Variants in HSF2BP observed in about 807,000 individuals in gnomAD.
The protein encoded by HSF2BP is heat shock factor 2-binding protein.
A neutral mutation model predicts 35.0 loss-of-function variants in HSF2BP; 35 were observed. The ratio of observed to expected loss-of-function variants is 1.00; its 90% CI spans 0.76 to 1.32. The LOEUF is 1.32. Ranked by LOEUF, HSF2BP falls within the 40% of genes most tolerant of loss-of-function variation. The pLI, the probability that HSF2BP is intolerant of heterozygous loss-of-function variation, is 0.00. For missense variants in HSF2BP, 326 were observed against 321.7 expected (o/e 1.01, Z -0.10); for synonymous variants, 114 against 117.4 (o/e 0.97, Z 0.18).
intron 4 of HSF2BP, among the ~76,000 whole-genome samples, chr21:43,640,774 G>C (rs1215577117): frequency 6.6e-6 from 1 of 151,064 alleles, no homozygotes; most frequent in Admixed American, 6.6e-5. Context: ...TTTGTTTCCA[G>C]TGGGATTGGA....
intron 6 of HSF2BP, among the ~76,000 whole-genome samples, chr21:43,617,113 C>T (rs2082281329): frequency 6.6e-6 from 1 of 152,044 alleles, no homozygotes; most frequent in African/African-American, 2.4e-5. Flanking sequence ...CAAACTGTCC[C>T]TGCCAAGCCT....
chr21:43,649,037 C>T (rs902912296), intron 3 of HSF2BP, among the ~76,000 whole-genome samples: 3 of 152,092 alleles, frequency 2.0e-5, no homozygotes, highest in African/African-American at 7.2e-5. Context: ...GCCTCATTTG[C>T]TCATCATTCA....
chr21:43,636,488 G>C (rs2082560690), intron 4 of HSF2BP, among the ~76,000 whole-genome samples: 1 of 152,144 alleles, frequency 6.6e-6, no homozygotes, highest in Non-Finnish European at 1.5e-5. Flanking sequence ...CTAAGAGAAA[G>C]TACTTCTAAT....
At chr21:43,641,118 G>A (rs1487186015) in intron 4 of HSF2BP, among the ~76,000 whole-genome samples, 5 of 151,916 alleles carry the variant, frequency 3.3e-5, no homozygotes, top group Admixed American at 1.3e-4. Context: ...TCAGCCTCCC[G>A]AGTAGCTGGG....
chr21:43,628,979 A>G (rs1366882792), intron 6 of HSF2BP, among the ~76,000 whole-genome samples: 1 of 152,204 alleles, frequency 6.6e-6, no homozygotes, highest in Non-Finnish European at 1.5e-5. Context: ...CCTACTGCTC[A>G]GAAAAAAAGA....
At chr21:43,594,608 G>A (rs1398928736) in intron 7 of HSF2BP, among the ~76,000 whole-genome samples, 2 of 152,082 alleles carry the variant, frequency 1.3e-5, no homozygotes, top group African/African-American at 4.8e-5. Flanking sequence ...AAAGATCTTA[G>A]TGACTTTGAA....
chr21:43,604,663 ACACACACCAC>A (rs1336761019), intron 7 of HSF2BP, among the ~76,000 whole-genome samples: 20 of 136,302 alleles, frequency 1.5e-4, no homozygotes, highest in African/African-American at 4.2e-4. Context: ...CACACCACAC[ACACACACCAC>A]CACACACCAC....
At chr21:43,596,303 G>T (rs1258803401) in intron 7 of HSF2BP, among the ~76,000 whole-genome samples, 1 of 151,562 alleles carries the variant, frequency 6.6e-6, no homozygotes, top group Non-Finnish European at 1.5e-5. Context: ...ATCTCTATAA[G>T]AATAAGTCAA....
chr21:43,589,859 ACT>A (rs1478013466), intron 8 of HSF2BP, among the ~76,000 whole-genome samples: 2 of 152,112 alleles, frequency 1.3e-5, no homozygotes, highest in African/African-American at 4.8e-5. Flanking sequence ...AACAACAAAA[ACT>A]CTCACCACAA....
rs1330248469 is a variant in HSF2BP at position 43,658,113 on chromosome 21, G to T, written c.-17C>A. On this transcript the variant is annotated 5_prime_UTR_variant, in exon 2 of 9. Transcript: ENST00000291560. Reference sequence around the variant, plus strand: ...TTCGCCCATGGCCGCTGCCGCCTCCGCTCCGTTCGCCTGAGCGTCGGCGCG... The same window carrying T: ...TTCGCCCATGGCCGCTGCCGCCTCCTCTCCGTTCGCCTGAGCGTCGGCGCG... The T allele has an allele frequency of 6.5e-7, 1 of 1,528,146 alleles. No individual in the cohort carries two copies. The highest frequency in any genetic ancestry group is 1.7e-4 in the Middle Eastern group (1 of 5,876). 94.7% of individuals were successfully genotyped at this position (1,528,146 alleles called of 1,614,324 possible).
intron 3 of HSF2BP, among the ~76,000 whole-genome samples, chr21:43,655,363 G>A (rs555255446): frequency 1.3e-5 from 2 of 152,318 alleles, no homozygotes; most frequent in South Asian, 2.1e-4. Flanking sequence ...GTCCCAGTGG[G>A]AAAGAGAAAT....
At position 43,613,756 on chromosome 21, in the gene HSF2BP, T is replaced by C. The variant is rs1454252160; in HGVS notation, c.692+74A>G. On this transcript the variant is annotated intron_variant, in intron 7 of 8. Transcript: ENST00000291560. Reference sequence around the variant, plus strand: ...TACCACCAAAATTAACTGTGTTTACTTGAAGAGAGGCCCAATCAGCACAGT... The same window carrying C: ...TACCACCAAAATTAACTGTGTTTACCTGAAGAGAGGCCCAATCAGCACAGT... 3.0e-6 allele frequency: 3 copies of C among 1,006,094 alleles called. No homozygotes were observed. The East Asian group carries it at 7.1e-5, about 24-fold the overall frequency. The allele number at this position is 1,006,094 out of a possible 1,614,324, so 62.3% of individuals were successfully genotyped here.
In HSF2BP at chr21:43,617,239, T is replaced by A. The variant is rs181717408; in HGVS notation, c.575-3292A>T. Among the ~76,000 whole-genome samples, 408 of 151,698 alleles carry A rather than the reference T, an allele frequency of 2.7e-3. 2 individuals carry two copies. Among genetic ancestry groups the A allele is most frequent in the South Asian group, 8.3e-3 (40 of 4,796 alleles). ...CTAATACATCGCTGAAGAAAAAAAA[T>A]ATATATATATGTATCTCATAGCAAG... On this transcript the variant is annotated intron_variant, in intron 6 of 8. Coordinates refer to ENST00000291560, the MANE Select transcript of HSF2BP (RefSeq NM_007031.2).
chr21:43,582,017 G>C (rs2081748585), intron 8 of HSF2BP, among the ~76,000 whole-genome samples: 1 of 139,288 alleles, frequency 7.2e-6, no homozygotes, highest in South Asian at 2.4e-4. Context: ...GCCTGCTGTG[G>C]GGGATGAGGG....
chr21:43,657,845 A>G lies in HSF2BP; in HGVS notation c.36+216T>C, dbSNP rs2082897514. 5.1e-6 allele frequency: 5 copies of G among 985,456 alleles called. No homozygotes were observed. The Admixed American group carries it at 2.5e-4, about 48-fold the overall frequency. The allele number at this position is 985,456 out of a possible 1,614,324, so 61.0% of individuals were successfully genotyped here. ...GTGCCCCCACCACGCGCAGCCTCAC[A>G]GACCGGGTCCCCGCGTGGGTTTGGA... On this transcript the variant is annotated intron_variant, in intron 2 of 8. Coordinates refer to ENST00000291560, the MANE Select transcript of HSF2BP (RefSeq NM_007031.2).
the HSF2BP span, among the ~76,000 whole-genome samples, chr21:43,467,745 ACACACCACACACC>A: frequency 1.2e-5 from 1 of 86,422 alleles, no homozygotes; most frequent in African/African-American, 5.5e-5. Context: ...ACCACAAACC[ACACACCACACACC>A]CACACACCAC....
At chr21:43,603,121 AAAT>A (rs888780276) in intron 7 of HSF2BP, among the ~76,000 whole-genome samples, 1 of 152,256 alleles carries the variant, frequency 6.6e-6, no homozygotes, top group African/African-American at 2.4e-5. Context: ...CTAATAAAAA[AAAT>A]AATAATTGCA....
intron 6 of HSF2BP, among the ~76,000 whole-genome samples, chr21:43,616,607 C>T (rs977365691): frequency 6.6e-6 from 1 of 151,928 alleles, no homozygotes; most frequent in East Asian, 1.9e-4. Context: ...TGCACTACTG[C>T]ACTCCAGCCT....
chr21:43,633,998 A>G (rs1455993553), intron 4 of HSF2BP, among the ~76,000 whole-genome samples: 2 of 152,236 alleles, frequency 1.3e-5, no homozygotes, highest in African/African-American at 4.8e-5. Context: ...AATATAAAAT[A>G]CAATCTGTGA....
Sources: gnomAD v4.1 joint callset for allele counts (sites outside exome capture counted in the v4.1 genomes callset) on GRCh38, gnomAD v4.1.1 for gene constraint, MANE v1.5 for transcripts, NCBI Gene and HGNC (gene_info 2026-07-23, HGNC 2026-07-21) for gene names.